DMD: variants seen among roughly 807,000 people sequenced by gnomAD.
DMD encodes the protein dystrophin, also known as mutant dystrophin.
DMD carries 63 observed loss-of-function variants against 330.1 expected under a neutral mutation model. The ratio of observed to expected loss-of-function variants is 0.19; its 90% CI spans 0.16 to 0.24. The LOEUF (loss-of-function observed/expected upper bound fraction) is 0.24. Among genes scored for constraint, DMD ranks in the 10% least tolerant of loss-of-function variants. The probability of loss-of-function intolerance (pLI) is 1.00; values close to 1 mark genes in which losing one functional copy is unlikely to be tolerated. For synonymous variants in DMD, 1,223 were observed against 959.8 expected, an observed-to-expected ratio of 1.27 and a Z score of -5.07; for missense variants, 3,344 against 2,684.1, an observed-to-expected ratio of 1.25 and a Z score of -5.43.
In DMD at chrX:31,557,088, A is replaced by T. The variant is rs150020512; in HGVS notation, c.8218-49635T>A. On this transcript the variant is annotated intron_variant, in intron 55 of 78. Transcript: ENST00000357033. The stretch of plus-strand genomic sequence containing the variant: ...AATTTAGTACAAATAAAGTACAAAT[A>T]AAAAGCTAAAGAGGTTTGAAGAAAG... Among the ~76,000 whole-genome samples, 142 of 112,439 alleles carry T rather than the reference A, an allele frequency of 1.3e-3. 2 individuals are homozygous for T. Among genetic ancestry groups the T allele is most frequent in the African/African-American group, 4.5e-3 (140 of 30,992 alleles).
chrX:32,268,131 G>A lies in DMD; in HGVS notation c.6290+19398C>T, dbSNP rs147796439. Among the ~76,000 whole-genome samples the A allele has an allele frequency of 4.6e-3, 510 of 111,144 alleles. 4 individuals carry two copies. The highest frequency in any genetic ancestry group is 0.014 in the African/African-American group (438 of 30,520). ...AGAGTGACCAGCTGGATAGGGAAGTGCAGTGGCCCTTGCTAGGGTAATAAT... is the reference window on the plus strand; with the variant it reads ...AGAGTGACCAGCTGGATAGGGAAGTACAGTGGCCCTTGCTAGGGTAATAAT... On this transcript the variant is annotated intron_variant, in intron 43 of 78. Coordinates refer to ENST00000357033, the MANE Select transcript of DMD (RefSeq NM_004006.3).
intron 50 of DMD, among the ~76,000 whole-genome samples, chrX:31,802,484 T>C (rs957565175): frequency 1.8e-5 from 2 of 111,209 alleles, no homozygotes; most frequent in African/African-American, 3.3e-5. Context: ...GATGATGAGA[T>C]TGTACAGGGG....
At chrX:32,011,775 C>A (rs938422911) in intron 44 of DMD, among the ~76,000 whole-genome samples, 22 of 111,405 alleles carry the variant, frequency 2.0e-4, no homozygotes, top group African/African-American at 6.5e-4. Context: ...ACTGCCAATC[C>A]CTGGGTTGTT....
chrX:31,696,264 A>C (rs1238356954), intron 52 of DMD, among the ~76,000 whole-genome samples: 2 of 111,599 alleles, frequency 1.8e-5, no homozygotes, highest in African/African-American at 6.5e-5. Context: ...AACATGTGTA[A>C]ATACACTGTG....
At chrX:33,329,898 G>C (rs745832990) in intron 1 of DMD, among the ~76,000 whole-genome samples, 1 of 111,375 alleles carries the variant, frequency 9.0e-6, no homozygotes, top group African/African-American at 3.3e-5. Context: ...TTATATATTC[G>C]TGTTATAGTT....
intron 53 of DMD, among the ~76,000 whole-genome samples, chrX:31,662,426 T>C (rs1486622046): frequency 2.7e-5 from 3 of 111,792 alleles, no homozygotes; most frequent in Non-Finnish European, 5.6e-5. Context: ...GGACATTGTC[T>C]AGAAATGCTG....
intron 1 of DMD, among the ~76,000 whole-genome samples, chrX:33,147,557 AAAC>A (rs780484285): frequency 5.3e-5 from 6 of 112,275 alleles, no homozygotes; most frequent in East Asian, 5.6e-4. Flanking sequence ...CTAAATTTAC[AAAC>A]AACAAACATG....
intron 11 of DMD, among the ~76,000 whole-genome samples, chrX:32,637,125 G>A (rs1462455815): frequency 8.9e-6 from 1 of 111,838 alleles, no homozygotes; most frequent in Admixed American, 9.4e-5. Flanking sequence ...CAGGAGCCAA[G>A]GACAAATATG....
At chrX:32,771,194 T>C (rs1410361444) in intron 7 of DMD, among the ~76,000 whole-genome samples, 1 of 111,953 alleles carries the variant, frequency 8.9e-6, no homozygotes, top group Non-Finnish European at 1.9e-5. Context: ...AGTGAAACAC[T>C]TTTCAGAGAC....
At chrX:31,155,766 G>A (rs759103014) in intron 74 of DMD, among the ~76,000 whole-genome samples, 1 of 111,087 alleles carries the variant, frequency 9.0e-6, no homozygotes, top group South Asian at 3.9e-4. Context: ...GATCACTTGA[G>A]CTCAGGAGTT....
At chrX:31,863,823 T>TA (rs2093752554) in intron 48 of DMD, among the ~76,000 whole-genome samples, 1 of 111,670 alleles carries the variant, frequency 9.0e-6, no homozygotes, top group Non-Finnish European at 1.9e-5. Context: ...AGAATTATGA[T>TA]AGAGTGGCTA....
chrX:31,825,816 G>C (rs1280166611), intron 49 of DMD, among the ~76,000 whole-genome samples: 4 of 111,645 alleles, frequency 3.6e-5, no homozygotes, highest in Non-Finnish European at 7.5e-5. Flanking sequence ...ACTACTACTG[G>C]TTGTGTGATC....
intron 61 of DMD, among the ~76,000 whole-genome samples, chrX:31,337,170 G>A (rs1242198585): frequency 1.8e-5 from 2 of 110,011 alleles, no homozygotes; most frequent in Non-Finnish European, 3.8e-5. Context: ...TGATCCGCCC[G>A]CCTCAGCCTC....
intron 56 of DMD, among the ~76,000 whole-genome samples, chrX:31,503,501 G>A (rs2070632518): frequency 8.9e-6 from 1 of 112,122 alleles, no homozygotes; most frequent in Non-Finnish European, 1.9e-5. Context: ...CATATTTCGA[G>A]TTTGAAATTT....
At chrX:33,170,509 TTTTAA>T (rs766059074) in intron 1 of DMD, among the ~76,000 whole-genome samples, 6 of 111,530 alleles carry the variant, frequency 5.4e-5, no homozygotes, top group Admixed American at 9.6e-5. Context: ...ACATAGGTAA[TTTTAA>T]TTTGTCTGAT....
chrX:32,178,830 G>GGTGTGTGTGTGTGT (rs60773717), intron 44 of DMD, among the ~76,000 whole-genome samples: 1 of 99,176 alleles, frequency 1.0e-5, no homozygotes, highest in African/African-American at 3.8e-5. Context: ...TATTCCAGGG[G>GGTGTGTGTGTGTGT]GTGTGTGTGT....
At chrX:31,791,503 G>A (rs1307528906) in intron 50 of DMD, among the ~76,000 whole-genome samples, 3 of 110,959 alleles carry the variant, frequency 2.7e-5, no homozygotes, top group Admixed American at 1.9e-4. Context: ...GATGATACTG[G>A]TAGGATAGGG....
chrX:33,044,593 G>A (rs1363527925), intron 1 of DMD, among the ~76,000 whole-genome samples: 1 of 112,026 alleles, frequency 8.9e-6, no homozygotes, highest in Admixed American at 9.5e-5. Flanking sequence ...CTTACCTGAC[G>A]ATGGAGTGCA....
intron 44 of DMD, among the ~76,000 whole-genome samples, chrX:32,166,858 C>T (rs1367105283): frequency 8.9e-6 from 1 of 111,905 alleles, no homozygotes; most frequent in South Asian, 3.7e-4. Context: ...TTCTGTGATA[C>T]AAAGAAAAAC....
Sources: allele counts gnomAD v4.1 joint callset (sites outside exome capture counted in the v4.1 genomes callset), GRCh38; gene constraint gnomAD v4.1.1; transcripts MANE v1.5; gene names NCBI Gene and HGNC (gene_info 2026-07-23, HGNC 2026-07-21).